The following PLCH1 variants were observed in gnomAD, a reference collection of about 807,000 sequenced individuals.
The protein encoded by PLCH1 is 1-phosphatidylinositol 4,5-bisphosphate phosphodiesterase eta-1.
Under a neutral mutation model 126.7 loss-of-function variants are expected in PLCH1, and 60 were observed. The ratio of observed to expected loss-of-function variants is 0.47; its 90% confidence interval spans 0.38 to 0.59. The LOEUF is 0.59. Ranked by LOEUF, PLCH1 falls within the 20% of genes least tolerant of loss-of-function variation. The probability of loss-of-function intolerance (pLI) is 0.00; values close to 1 mark genes in which losing one functional copy is unlikely to be tolerated. For synonymous variants in PLCH1, 719 were observed against 734.9 expected, an observed-to-expected ratio of 0.98 and a Z score of 0.35; for missense variants, 1,723 against 2,040.0, an observed-to-expected ratio of 0.84 and a Z score of 2.99.
In PLCH1 at chr3:155,481,154, G is replaced by C; in HGVS notation, c.4872C>G (p.Gly1624=). 4 of 1,614,248 alleles carry C rather than the reference G, an allele frequency of 2.5e-6. No homozygotes were observed. Among genetic ancestry groups the C allele is most frequent in the Non-Finnish European group, 2.5e-6 (3 of 1,180,040 alleles). ...PTPAVNRHST[G]SYIAGYLKNT... ...TCTTCAGGTAGCCTGCGATGTAGGA[G>C]CCGGTGGAGTGGCGATTCACTGCAG... The change falls in exon 23 of 23, where the codon GGC becomes GGG. Residue 1624 remains glycine, a synonymous_variant. Transcript: ENST00000460012. This position sits in a 1 kb window ranked among gnomAD's most constrained non-coding sequence, Gnocchi z 4.2.
At chr3:155,624,951 A>T (rs1737040835) in intron 2 of PLCH1, among the ~76,000 whole-genome samples, 1 of 152,222 alleles carries the variant, frequency 6.6e-6, no homozygotes, top group Admixed American at 6.5e-5. Flanking sequence ...TCCTAAAAAA[A>T]AGAACAAAGC....
intron 18 of PLCH1, among the ~76,000 whole-genome samples, chr3:155,491,764 C>T (rs897683447): frequency 6.6e-6 from 1 of 152,056 alleles, no homozygotes. Context: ...TAGATATTGA[C>T]TGGGAAGGTG....
At chr3:155,470,089 G>A (rs1210110042) in intron 21 of PLCH1, among the ~76,000 whole-genome samples, 6 of 152,134 alleles carry the variant, frequency 3.9e-5, no homozygotes, top group South Asian at 4.2e-4. Flanking sequence ...TGACTTTGAC[G>A]AGCTGAGAGA....
intron 1 of PLCH1, among the ~76,000 whole-genome samples, chr3:155,723,130 G>A (rs957114234): frequency 2.0e-5 from 3 of 152,134 alleles, no homozygotes; most frequent in Non-Finnish European, 2.9e-5. Context: ...TAGTAGCCTT[G>A]AATGATCTTT....
At chr3:155,486,216 A>G in intron 21 of PLCH1, 10 of 1,528,340 alleles carry the variant, frequency 6.5e-6, no homozygotes, top group Non-Finnish European at 8.9e-6. Context: ...ACTGTAAAGG[A>G]AAAAAACAAA....
intron 2 of PLCH1, among the ~76,000 whole-genome samples, chr3:155,666,546 G>A (rs62287318): frequency 0.016 from 2,460 of 152,282 alleles, 33 homozygotes; most frequent in Middle Eastern, 0.041. Context: ...GAAAGACTTA[G>A]TGTGAAAGAA....
intron 1 of PLCH1, among the ~76,000 whole-genome samples, chr3:155,716,552 C>T (rs1355256082): frequency 6.6e-6 from 1 of 152,170 alleles, no homozygotes; most frequent in African/African-American, 2.4e-5. Flanking sequence ...TGGGAGCAGG[C>T]ATCTGACATG....
At chr3:155,558,821 G>A (rs750823105) in intron 8 of PLCH1, among the ~76,000 whole-genome samples, 1 of 152,092 alleles carries the variant, frequency 6.6e-6, no homozygotes, top group Non-Finnish European at 1.5e-5. Context: ...CAGATAAGAG[G>A]AGACTACTAT....
intron 7 of PLCH1, among the ~76,000 whole-genome samples, chr3:155,565,839 G>C (rs1728285423): frequency 6.6e-6 from 1 of 151,540 alleles, no homozygotes; most frequent in African/African-American, 2.4e-5. Context: ...GGGACTACAG[G>C]CATGCGCCAC....
At chr3:155,596,509 G>T in intron 2 of PLCH1, 131 bp from the exon 3 acceptor site, 1 of 558,100 alleles carries the variant, frequency 1.8e-6, no homozygotes, top group Admixed American at 3.7e-5. Flanking sequence ...TTTGGTAGAG[G>T]TAATCTGAAA....
chr3:155,532,692 G>A (rs1276587475), intron 10 of PLCH1, among the ~76,000 whole-genome samples: 2 of 152,218 alleles, frequency 1.3e-5, no homozygotes, highest in Non-Finnish European at 2.9e-5. Context: ...CTTCTGCCAT[G>A]ATTGTAAGTT....
At chr3:155,511,696 G>A (rs983042902) in intron 12 of PLCH1, among the ~76,000 whole-genome samples, 7 of 142,104 alleles carry the variant, frequency 4.9e-5, no homozygotes, top group Non-Finnish European at 9.2e-5. Flanking sequence ...ACTTGAGGAG[G>A]CAGTCTGCCC....
intron 11 of PLCH1, among the ~76,000 whole-genome samples, chr3:155,516,805 TAA>T (rs1350685628): frequency 1.3e-5 from 2 of 151,580 alleles, no homozygotes; most frequent in Non-Finnish European, 2.9e-5. Flanking sequence ...TGAGAAGTAT[TAA>T]AGAGGAATAC....
intron 21 of PLCH1, among the ~76,000 whole-genome samples, chr3:155,466,336 G>C (rs1560030493): frequency 6.6e-6 from 1 of 152,196 alleles, no homozygotes; most frequent in Non-Finnish European, 1.5e-5. Flanking sequence ...AAAAGAACAA[G>C]AGTCTTTGCC....
Position 155,523,825 on chromosome 3 carries a change from C to T in PLCH1, c.1470+72G>A, listed in dbSNP as rs539361561. The T allele has an allele frequency of 8.0e-5, 68 of 847,546 alleles. 2 individuals are homozygous for T. In the South Asian group the frequency reaches 1.0e-3, roughly 13 times the overall value. 52.5% of individuals were successfully genotyped at this position (847,546 alleles called of 1,614,324 possible). ...CACCATAATTGTGAGGCCTCCAACA[C>T]AGTAGCAACTTGGAACTCCATTTTA... On this transcript the variant is annotated intron_variant, in intron 11 of 22. Transcript: ENST00000460012.
At chr3:155,650,468 C>T (rs1740590142) in intron 2 of PLCH1, among the ~76,000 whole-genome samples, 1 of 151,992 alleles carries the variant, frequency 6.6e-6, no homozygotes, top group African/African-American at 2.4e-5. Flanking sequence ...CGGCCAGAGG[C>T]CTCTCAAAGA....
chr3:155,577,048 A>G (rs1345350436), intron 6 of PLCH1, among the ~76,000 whole-genome samples: 2 of 152,222 alleles, frequency 1.3e-5, no homozygotes, highest in Non-Finnish European at 2.9e-5. Flanking sequence ...ACGATGGGAA[A>G]GAAATTGTCT....
At chr3:155,741,682 C>CTTTTTTTTTTTTTTTTTTTTT (rs1491132149) in intron 1 of PLCH1, among the ~76,000 whole-genome samples, 1 of 83,086 alleles carries the variant, frequency 1.2e-5, no homozygotes, top group African/African-American at 1.0e-4. Context: ...ATTTTATATC[C>CTTTTTTTTTTTTTTTTTTTTT]TCTTTTTTTT....
At chr3:155,658,692 A>G (rs1250814209) in intron 2 of PLCH1, 2 of 152,250 alleles carry the variant, frequency 1.3e-5, no homozygotes, top group African/African-American at 2.4e-5. Flanking sequence ...TACTTTTAAA[A>G]AAGTTTATTT....
Sources: allele counts gnomAD v4.1 joint callset (sites outside exome capture counted in the v4.1 genomes callset), GRCh38; gene constraint gnomAD v4.1.1; non-coding constraint Gnocchi (gnomAD v3.1); transcripts MANE v1.5; gene names NCBI Gene and HGNC (gene_info 2026-07-23, HGNC 2026-07-21).